The following ADGRL2 variants were observed in gnomAD, a reference collection of about 807,000 sequenced individuals.
The protein encoded by ADGRL2 is calcium-independent alpha-latrotoxin receptor 2.
ADGRL2 carries 44 observed loss-of-function variants against 157.4 expected under a neutral mutation model. The observed-to-expected ratio is 0.28, with a 90% CI of 0.22 to 0.36. ADGRL2 has a LOEUF of 0.36. Among genes scored for constraint, ADGRL2 ranks in the 10% least tolerant of loss-of-function variants. The pLI is 1.00. For synonymous variants in ADGRL2, 585 were observed against 624.7 expected, an observed-to-expected ratio of 0.94 and a Z score of 0.95; for missense variants, 1,510 against 1,768.9, an observed-to-expected ratio of 0.85 and a Z score of 2.63.
intron 1 of ADGRL2, among the ~76,000 whole-genome samples, chr1:81,822,034 T>TTTTTA: frequency 6.6e-6 from 1 of 150,518 alleles, no homozygotes; most frequent in Non-Finnish European, 1.5e-5. Context: ...GAAACTTTTT[T>TTTTTA]TTTTTTTTTG....
rs1391911593 is a variant in ADGRL2 at position 81,448,831 on chromosome 1, CTA to C, written c.-248+3744_-248+3745del. ...GTCTTACCCACTAGATATTTGGAGA[CTA>C]TTTTTCTTACCATTTAACTAATTTT... On this transcript the variant is annotated intron_variant, in intron 2 of 24. Transcript: ENST00000370721. Among the ~76,000 whole-genome samples, 3 of 152,214 alleles carry C rather than the reference CTA, an allele frequency of 2.0e-5. No individual in the cohort carries two copies. The East Asian group carries it at 5.8e-4, about 29-fold the overall frequency.
At chr1:81,731,491 A>G (rs978665426) in intron 1 of ADGRL2, among the ~76,000 whole-genome samples, 3 of 151,174 alleles carry the variant, frequency 2.0e-5, no homozygotes, top group African/African-American at 7.3e-5. Flanking sequence ...TAAGATTTCA[A>G]ATGTTCTATC....
At position 81,808,221 on chromosome 1, in the gene ADGRL2, C is replaced by G. The variant is rs9661019; in HGVS notation, c.-101+7153C>G. Among the ~76,000 whole-genome samples the G allele has an allele frequency of 3.1e-3, 473 of 151,860 alleles. 2 individuals carry two copies. Among genetic ancestry groups the G allele is most frequent in the African/African-American group, 0.011 (449 of 41,452 alleles). ...CATTGTCTGGTAGTAAGTAAAATCC[C>G]ATCACACTTATATAAGTTTGTTCAA... On this transcript the variant is annotated intron_variant, in intron 1 of 23. Coordinates refer to ENST00000686636, the MANE Select transcript of ADGRL2 (RefSeq NM_001366006.2).
At chr1:81,847,099 A>G (rs1007118080) in intron 2 of ADGRL2, among the ~76,000 whole-genome samples, 3 of 151,802 alleles carry the variant, frequency 2.0e-5, no homozygotes, top group African/African-American at 7.2e-5. Context: ...ACTGGTAGGA[A>G]GGCTCATTCA....
At chr1:81,772,787 ATATTG>A (rs1192148131) in intron 2 of ADGRL2, among the ~76,000 whole-genome samples, 2 of 152,066 alleles carry the variant, frequency 1.3e-5, no homozygotes, top group Non-Finnish European at 2.9e-5. Context: ...AAACAAGTAA[ATATTG>A]TATTAAAGAT....
intron 3 of ADGRL2, among the ~76,000 whole-genome samples, chr1:81,653,907 C>A (rs2082475477): frequency 6.6e-6 from 1 of 151,954 alleles, no homozygotes; most frequent in South Asian, 2.1e-4. Flanking sequence ...CTGCAATTTT[C>A]CCCCTCAGAG....
At chr1:81,361,930 C>T (rs1015182506) in intron 1 of ADGRL2, among the ~76,000 whole-genome samples, 64 of 151,610 alleles carry the variant, frequency 4.2e-4, no homozygotes, top group African/African-American at 1.5e-3. Context: ...CAGTAGCATA[C>T]ACTATGGTTT....
intron 3 of ADGRL2, among the ~76,000 whole-genome samples, chr1:81,917,415 A>G (rs2094881785): frequency 6.6e-6 from 1 of 152,124 alleles, no homozygotes; most frequent in Non-Finnish European, 1.5e-5. Context: ...AGTATATTAT[A>G]GCAATGTAGT....
In ADGRL2 at chr1:81,992,038, A is replaced by G. The variant is rs968123390; in HGVS notation, c.*893A>G. ...AAAAGAACGTGTTTTATGGGGAGAA[A>G]CAAACTCTTTGAAGCCAGTTATGTC... On this transcript the variant is annotated 3_prime_UTR_variant, in exon 24 of 24. Transcript: ENST00000686636. 2 of 152,540 alleles carry G rather than the reference A, an allele frequency of 1.3e-5. No individual in the cohort carries two copies. The highest frequency in any genetic ancestry group is 4.8e-5 in the African/African-American group (2 of 41,418). 9.4% of individuals were successfully genotyped at this position (152,540 alleles called of 1,614,324 possible).
rs961676440 is a variant in ADGRL2, at chr1:81,501,686, C to A, written c.-248+56597C>A. 3 of 1,570,354 alleles carry A rather than the reference C, an allele frequency of 1.9e-6. No homozygotes were observed. The South Asian group carries it at 3.5e-5, about 18-fold the overall frequency. ...CGCCACCCGAAAACCCGGAGTGCCC[C>A]GCACAGGTTTAGACCCAGTGTGCCT... On this transcript the variant is annotated intron_variant, in intron 2 of 24. Coordinates refer to the ADGRL2 transcript ENST00000370721.
chr1:81,881,130 A>G lies in ADGRL2; in HGVS notation c.74-25887A>G, dbSNP rs557350949. ...GACTCAAAATGATTGCTAGAACTTT[A>G]TATATATATATTTTTGGTAAGGCAT... is the stretch of plus-strand genomic sequence containing the variant. On this transcript the variant is annotated intron_variant, in intron 2 of 23. Coordinates refer to ENST00000686636, the MANE Select transcript of ADGRL2 (RefSeq NM_001366006.2). Among the ~76,000 whole-genome samples the G allele has an allele frequency of 6.8e-4, 103 of 152,136 alleles. 2 individuals carry two copies. The South Asian group carries it at 0.021, about 31-fold the overall frequency.
intron 2 of ADGRL2, among the ~76,000 whole-genome samples, chr1:81,570,234 C>A (rs900837631): frequency 4.0e-4 from 61 of 152,226 alleles, no homozygotes; most frequent in African/African-American, 1.4e-3. Context: ...TGGCTATGTT[C>A]CCAGCACAAA....
chr1:81,928,638 C>T (rs1354457564), intron 3 of ADGRL2, among the ~76,000 whole-genome samples: 2 of 152,008 alleles, frequency 1.3e-5, no homozygotes, highest in Non-Finnish European at 2.9e-5. Flanking sequence ...TATTGAGGCT[C>T]AAGAATGCAT....
At chr1:81,356,930 G>A (rs1190247869) in intron 1 of ADGRL2, among the ~76,000 whole-genome samples, 2 of 92,100 alleles carry the variant, frequency 2.2e-5, no homozygotes, top group African/African-American at 7.9e-5. Flanking sequence ...TCCAGCCTGG[G>A]GGACAAAATG....
At chr1:81,641,087 C>T (rs2148802363) in intron 3 of ADGRL2, among the ~76,000 whole-genome samples, 1 of 152,290 alleles carries the variant, frequency 6.6e-6, no homozygotes, top group African/African-American at 2.4e-5. Flanking sequence ...CTCATTGGAA[C>T]ACTAATTCTA....
rs151301867 is a variant in ADGRL2, at chr1:81,508,248, C to T, written c.-248+63159C>T. ...AAACTTAATTGTTTTTGTCTGACTT[C>T]TCGATGCATGCATGTTCTACCTTCA... On this transcript the variant is annotated intron_variant, in intron 2 of 24. Coordinates refer to the ADGRL2 transcript ENST00000370721. 1.7e-4 allele frequency among the ~76,000 whole-genome samples: 26 copies of T among 152,300 alleles called. No homozygotes were observed. The East Asian group carries it at 4.8e-3, about 28-fold the overall frequency.
intron 2 of ADGRL2, among the ~76,000 whole-genome samples, chr1:81,501,201 G>A (rs1306850528): frequency 6.6e-6 from 1 of 152,122 alleles, no homozygotes; most frequent in Admixed American, 6.5e-5. Context: ...AAAAGTACTT[G>A]GATTTATAAA....
Position 81,993,335 on chromosome 1 carries a change from T to G in ADGRL2, c.*2190T>G, listed in dbSNP as rs1328249723. ...TTAATTTTCCATCTTGTTATACTTT[T>G]TATTTTAAATGCCTAAAACCATACA... On this transcript the variant is annotated 3_prime_UTR_variant, in exon 24 of 24. Coordinates refer to ENST00000686636, the MANE Select transcript of ADGRL2 (RefSeq NM_001366006.2). Among the ~76,000 whole-genome samples, 4 of 151,804 alleles carry G rather than the reference T, an allele frequency of 2.6e-5. No homozygotes were observed. Among genetic ancestry groups the G allele is most frequent in the Non-Finnish European group, 5.9e-5 (4 of 67,974 alleles).
chr1:81,549,623 C>A (rs1419894727), intron 2 of ADGRL2, among the ~76,000 whole-genome samples: 2 of 152,150 alleles, frequency 1.3e-5, no homozygotes, highest in African/African-American at 2.4e-5. Context: ...TGGAATCTGG[C>A]ACCATTGAGA....
Sources: gnomAD v4.1 joint callset for allele counts (sites outside exome capture counted in the v4.1 genomes callset) on GRCh38, gnomAD v4.1.1 for gene constraint, MANE v1.5 for transcripts, NCBI Gene and HGNC (gene_info 2026-07-23, HGNC 2026-07-21) for gene names.